Variants in CACNA1D observed in about 807,000 individuals in gnomAD.
CACNA1D encodes voltage-dependent L-type calcium channel subunit alpha-1D.
A neutral mutation model predicts 257.1 loss-of-function variants in CACNA1D; 55 were observed. The observed-to-expected ratio is 0.21, with a 90% CI of 0.17 to 0.27. The LOEUF is 0.27. Among genes scored for constraint, CACNA1D ranks in the 10% least tolerant of loss-of-function variants. The probability of loss-of-function intolerance (pLI) is 1.00; values close to 1 mark genes in which losing one functional copy is unlikely to be tolerated. For missense variants in CACNA1D, 1,876 were observed against 2,784.0 expected, an observed-to-expected ratio of 0.67 and a Z score of 7.34; for synonymous variants, 980 against 1,014.9, an observed-to-expected ratio of 0.97 and a Z score of 0.65.
intron 3 of CACNA1D, among the ~76,000 whole-genome samples, chr3:53,561,076 T>G (rs181639834): frequency 1.8e-4 from 27 of 152,348 alleles, no homozygotes; most frequent in Admixed American, 1.6e-3. Flanking sequence ...GTAAGGTAAA[T>G]GCTTTCATCT....
At chr3:53,534,231 A>C (rs928426817) in intron 3 of CACNA1D, among the ~76,000 whole-genome samples, 6 of 152,166 alleles carry the variant, frequency 3.9e-5, no homozygotes, top group Non-Finnish European at 8.8e-5. Context: ...TGGTGGGTAG[A>C]GTGTGAGGGC....
intron 27 of CACNA1D, 82 bp downstream of exon 27, chr3:53,749,551 C>T (rs1293099486): frequency 3.2e-6 from 3 of 947,244 alleles, no homozygotes; most frequent in African/African-American, 3.2e-5. Context: ...CCCCCATACC[C>T]AGAGAAGGGC....
intron 30 of CACNA1D, chr3:53,762,465 G>A (rs2095309228): frequency 4.5e-6 from 2 of 445,694 alleles, no homozygotes; most frequent in African/African-American, 2.0e-5. Flanking sequence ...ATGCTAGAAT[G>A]TTCCCCTTTT....
intron 11 of CACNA1D, among the ~76,000 whole-genome samples, chr3:53,720,149 G>A (rs562828444): frequency 6.6e-6 from 1 of 152,224 alleles, no homozygotes; most frequent in Admixed American, 6.5e-5. Flanking sequence ...ATGTGCATGC[G>A]GGTTACGTGT....
chr3:53,784,170 AG>A (rs1277381012), intron 39 of CACNA1D, among the ~76,000 whole-genome samples: 2 of 152,156 alleles, frequency 1.3e-5, no homozygotes, highest in Non-Finnish European at 2.9e-5. Flanking sequence ...ATCAGTGCTG[AG>A]CCGCCTCATC....
intron 3 of CACNA1D, among the ~76,000 whole-genome samples, chr3:53,506,101 G>A (rs1015258983): frequency 1.3e-5 from 2 of 152,210 alleles, no homozygotes. Context: ...TATGGTGGAG[G>A]TTAGGTCTGT....
intron 3 of CACNA1D, among the ~76,000 whole-genome samples, chr3:53,526,214 G>A (rs900936632): frequency 8.5e-5 from 13 of 152,190 alleles, no homozygotes; most frequent in African/African-American, 3.1e-4. Context: ...GGTCATGTGC[G>A]TCACCCCTCG....
chr3:53,567,997 C>G (rs151120243), intron 3 of CACNA1D, among the ~76,000 whole-genome samples: 3 of 152,270 alleles, frequency 2.0e-5, no homozygotes, highest in South Asian at 2.1e-4. Context: ...CCTTGCCTCA[C>G]GACTCTAAAT....
intron 15 of CACNA1D, among the ~76,000 whole-genome samples, chr3:53,729,564 A>G (rs1487734930): frequency 6.6e-6 from 1 of 152,220 alleles, no homozygotes; most frequent in Admixed American, 6.5e-5. Flanking sequence ...GCTAGTGGGT[A>G]AGAAACAGGC....
intron 40 of CACNA1D, among the ~76,000 whole-genome samples, chr3:53,795,729 G>A (rs964891965): frequency 5.9e-5 from 9 of 152,286 alleles, no homozygotes; most frequent in Non-Finnish European, 7.4e-5. Flanking sequence ...AAATTACAAC[G>A]AATCAGATTC....
At chr3:53,667,692 G>A (rs563881441) in intron 7 of CACNA1D, among the ~76,000 whole-genome samples, 3 of 152,256 alleles carry the variant, frequency 2.0e-5, no homozygotes, top group Admixed American at 1.3e-4. Flanking sequence ...TTAATATGAG[G>A]CAAAGAAGTT....
At chr3:53,556,664 A>G (rs893258816) in intron 3 of CACNA1D, among the ~76,000 whole-genome samples, 3 of 147,116 alleles carry the variant, frequency 2.0e-5, no homozygotes, top group Non-Finnish European at 3.0e-5. Context: ...ATTTGCAAAT[A>G]TTTTCTCTCA....
chr3:53,500,597 C>CAG (rs2090559073), intron 2 of CACNA1D, among the ~76,000 whole-genome samples: 3 of 152,262 alleles, frequency 2.0e-5, no homozygotes, highest in African/African-American at 7.2e-5. Context: ...GGCCTTGCCT[C>CAG]TTGTGGGTGA....
chr3:53,799,618 C>T (rs137958749), intron 40 of CACNA1D, among the ~76,000 whole-genome samples: 5 of 152,334 alleles, frequency 3.3e-5, no homozygotes, highest in Non-Finnish European at 7.4e-5. Context: ...AGGCTACAGG[C>T]CAGGGTATCC....
intron 3 of CACNA1D, among the ~76,000 whole-genome samples, chr3:53,615,282 A>G (rs1158829298): frequency 6.6e-6 from 1 of 152,140 alleles, no homozygotes; most frequent in Non-Finnish European, 1.5e-5. Context: ...GTAATTCTCT[A>G]TTAACCTTTA....
intron 39 of CACNA1D, 109 bp from the exon 40 acceptor site, chr3:53,786,713 G>GGCCCC: frequency 4.1e-5 from 19 of 467,148 alleles, no homozygotes; most frequent in South Asian, 9.2e-5. Context: ...GCGCCGGACC[G>GGCCCC]CCCACCCGCC....
intron 3 of CACNA1D, among the ~76,000 whole-genome samples, chr3:53,508,173 G>A (rs2090937868): frequency 6.6e-6 from 1 of 151,870 alleles, no homozygotes; most frequent in Non-Finnish European, 1.5e-5. Context: ...TTTAAGTTCC[G>A]GGATACATGT....
chr3:53,586,462 A>G (rs1364868770), intron 3 of CACNA1D, among the ~76,000 whole-genome samples: 1 of 151,286 alleles, frequency 6.6e-6, no homozygotes, highest in South Asian at 2.1e-4. Context: ...GTGGCACCCT[A>G]CAGTGTCTGC....
In CACNA1D at chr3:53,501,674, A is replaced by G; in HGVS notation, c.437A>G (p.Tyr146Cys). Residue 146 changes from tyrosine to cysteine, a missense_variant, in exon 3 of 48, where the codon TAC becomes TGC. By Grantham distance (194) the Tyr-to-Cys change is radical (BLOSUM62 -2). Coordinates refer to ENST00000350061, the MANE Select transcript of CACNA1D (RefSeq NM_001128840.3). The stretch of plus-strand genomic sequence containing the variant: ...GCCAATTGTGTGGCCTTAGCTATTT[A>G]CATCCCATTCCCTGAAGATGATTCT... ...IFANCVALAI[Y>C]IPFPEDDSNS... The G allele has an allele frequency of 6.2e-7, 1 of 1,603,930 alleles. No individual in the cohort carries two copies. The highest frequency in any genetic ancestry group is 8.5e-7 in the Non-Finnish European group (1 of 1,171,088).
Sources: gnomAD v4.1 joint callset for allele counts (sites outside exome capture counted in the v4.1 genomes callset) on GRCh38, gnomAD v4.1.1 for gene constraint, MANE v1.5 for transcripts, NCBI Gene and HGNC (gene_info 2026-07-23, HGNC 2026-07-21) for gene names.